SLC9B1: variants seen among roughly 807,000 people sequenced by gnomAD.
SLC9B1 encodes solute carrier family 9 member B1, also known as sodium/hydrogen exchanger 9B1.
SLC9B1 carries 32 observed loss-of-function variants against 51.7 expected under a neutral mutation model. The ratio of observed to expected loss-of-function variants is 0.62; its 90% CI spans 0.47 to 0.83. The LOEUF (loss-of-function observed/expected upper bound fraction) is 0.83. SLC9B1 is among the 40% of genes least tolerant of loss of function. The probability of loss-of-function intolerance (pLI) is 0.00; values close to 1 mark genes in which losing one functional copy is unlikely to be tolerated. For missense variants in SLC9B1, 406 were observed against 613.2 expected (o/e 0.66, Z 3.57); for synonymous variants, 145 against 212.7 (o/e 0.68, Z 2.77).
In SLC9B1 at chr4:102,985,507, C is replaced by T. The variant is rs184922172; in HGVS notation, c.211+4293G>A. ...TGGTTGCCTGAGAGCTTACAACATG[C>T]GTTTACAACTAATACAAATCCATTT... On this transcript the variant is annotated intron_variant, in intron 3 of 11. Transcript: ENST00000296422. 1.2e-3 allele frequency among the ~76,000 whole-genome samples: 186 copies of T among 151,358 alleles called. 1 individual carries two copies. Among genetic ancestry groups the T allele is most frequent in the African/African-American group, 4.4e-3 (181 of 41,136 alleles).
In SLC9B1 at chr4:102,975,741, T is replaced by A. The variant is rs1420935926; in HGVS notation, c.211+14059A>T. Among the ~76,000 whole-genome samples the A allele has an allele frequency of 5.9e-5, 9 of 151,394 alleles. No individual in the cohort carries two copies. The East Asian group carries it at 1.6e-3, about 26-fold the overall frequency. On this transcript the variant is annotated intron_variant, in intron 3 of 11. Coordinates refer to ENST00000296422, the MANE Select transcript of SLC9B1 (RefSeq NM_139173.4). Reference sequence around the variant, plus strand: ...ATGCCATGATGTCTGGCTAATTTTGTATTTTTTAGTAGAGATGGGGTTTCA... The same window carrying A: ...ATGCCATGATGTCTGGCTAATTTTGAATTTTTTAGTAGAGATGGGGTTTCA...
At chr4:103,017,538 T>C (rs942992979) in intron 1 of SLC9B1, among the ~76,000 whole-genome samples, 1 of 152,216 alleles carries the variant, frequency 6.6e-6, no homozygotes, top group African/African-American at 2.4e-5. Flanking sequence ...CTTGATGATG[T>C]TCCTGGAAGG....
At chr4:102,994,937 T>G (rs1418144019) in intron 1 of SLC9B1, among the ~76,000 whole-genome samples, 1 of 152,102 alleles carries the variant, frequency 6.6e-6, no homozygotes, top group African/African-American at 2.4e-5. Context: ...CAAGGTGAAA[T>G]TTGGGTGGGG....
downstream of SLC9B1, chr4:102,898,073 C>A: frequency 2.1e-6 from 1 of 475,488 alleles, no homozygotes; most frequent in South Asian, 1.6e-5. Context: ...CTGGTAAAAT[C>A]ATTGGCATGT....
intron 3 of SLC9B1, chr4:102,962,682 T>C (rs376903063): frequency 1.1e-5 from 5 of 468,786 alleles, no homozygotes; most frequent in African/African-American, 1.0e-4. Flanking sequence ...GGTGATACTG[T>C]GTATTTCACT....
intron 3 of SLC9B1, chr4:102,962,869 C>T (rs2110490169): frequency 4.2e-6 from 2 of 471,460 alleles, no homozygotes; most frequent in South Asian, 3.1e-5. Flanking sequence ...ATGTGATCAA[C>T]CAGGAGAAGT....
chr4:102,969,712 A>G (rs1175732251), intron 3 of SLC9B1, among the ~76,000 whole-genome samples: 1 of 152,200 alleles, frequency 6.6e-6, no homozygotes, highest in African/African-American at 2.4e-5. Flanking sequence ...GGATGTTCGA[A>G]CCCATTGCAA....
chr4:102,891,518 T>C (rs889231665), intron 11 of SLC9B1: 1 of 152,246 alleles, frequency 6.6e-6, no homozygotes, highest in Non-Finnish European at 1.5e-5. Flanking sequence ...ATAAGTAGTA[T>C]GTGTTATTCA....
intron 1 of SLC9B1, among the ~76,000 whole-genome samples, chr4:103,004,144 A>G (rs902718235): frequency 6.6e-6 from 1 of 152,186 alleles, no homozygotes; most frequent in Non-Finnish European, 1.5e-5. Flanking sequence ...ATGAACATTG[A>G]CATTCAGGAG....
chr4:103,000,750 C>A (rs1740477690), intron 1 of SLC9B1, among the ~76,000 whole-genome samples: 2 of 152,196 alleles, frequency 1.3e-5, no homozygotes, highest in South Asian at 4.1e-4. Flanking sequence ...GGGTATAGCT[C>A]CATGCCTGGC....
At chr4:102,897,461 AC>A, downstream of SLC9B1, 1 of 186,602 alleles carries the variant, frequency 5.4e-6, no homozygotes, top group South Asian at 1.0e-4. Flanking sequence ...AATGAAGAGC[AC>A]CAGGCTCAGC....
At chr4:102,947,521 A>C (rs902261184) in intron 4 of SLC9B1, among the ~76,000 whole-genome samples, 1 of 152,044 alleles carries the variant, frequency 6.6e-6, no homozygotes, top group Admixed American at 6.6e-5. Flanking sequence ...ACCCAGAAAA[A>C]TTTTTAATAT....
intron 3 of SLC9B1, among the ~76,000 whole-genome samples, chr4:102,982,202 G>T (rs139640034): frequency 1.1e-4 from 16 of 152,048 alleles, no homozygotes; most frequent in African/African-American, 3.9e-4. Context: ...CTTTGTCAAA[G>T]ATCAGTTGAC....
chr4:102,956,056 A>G (rs1230950670), intron 3 of SLC9B1, among the ~76,000 whole-genome samples: 1 of 152,142 alleles, frequency 6.6e-6, no homozygotes. Flanking sequence ...GAATTCTGGT[A>G]CATGTGAAGG....
At chr4:102,916,804 G>A (rs1390402440) in intron 7 of SLC9B1, among the ~76,000 whole-genome samples, 1 of 152,190 alleles carries the variant, frequency 6.6e-6, no homozygotes, top group African/African-American at 2.4e-5. Flanking sequence ...TAAATATGTG[G>A]AAATTACAAA....
At chr4:102,929,799 G>C (rs1442417275) in intron 7 of SLC9B1, among the ~76,000 whole-genome samples, 1 of 152,224 alleles carries the variant, frequency 6.6e-6, no homozygotes, top group Non-Finnish European at 1.5e-5. Context: ...TGGGATTATA[G>C]GCGTGAGCCA....
intron 3 of SLC9B1, among the ~76,000 whole-genome samples, chr4:102,978,534 A>G (rs1739196518): frequency 6.6e-6 from 1 of 152,232 alleles, no homozygotes. Flanking sequence ...AAAAGAAGAC[A>G]TTTATGCAGC....
chr4:102,951,272 GCTAATTCAAAAAATCT>G (rs773515498), intron 3 of SLC9B1, among the ~76,000 whole-genome samples: 2 of 152,064 alleles, frequency 1.3e-5, no homozygotes, highest in African/African-American at 2.4e-5. Flanking sequence ...CTTAGTAGAT[GCTAATTCAAAAAATCT>G]CTAATAGACA....
intron 1 of SLC9B1, among the ~76,000 whole-genome samples, chr4:103,004,066 G>A (rs1017147330): frequency 2.6e-5 from 4 of 152,144 alleles, no homozygotes; most frequent in African/African-American, 9.7e-5. Context: ...TATGAATGTA[G>A]TTGTTCCTCA....
Sources: gnomAD v4.1 joint callset for allele counts (sites outside exome capture counted in the v4.1 genomes callset) on GRCh38, gnomAD v4.1.1 for gene constraint, MANE v1.5 for transcripts, NCBI Gene and HGNC (gene_info 2026-07-23, HGNC 2026-07-21) for gene names.